Variants in LIN7A observed in about 807,000 individuals in gnomAD.
The protein encoded by LIN7A is lin-7 cell polarity scaffold A, also known as protein lin-7 homolog A.
In LIN7A, 25 loss-of-function variants were observed where a neutral mutation model predicts 29.8. The observed-to-expected ratio is 0.84, with a 90% CI of 0.61 to 1.17. LIN7A has a LOEUF of 1.17. LIN7A is among the 50% of genes most tolerant of loss of function. The probability of loss-of-function intolerance (pLI) is 0.00; values close to 1 mark genes in which losing one functional copy is unlikely to be tolerated. For missense variants in LIN7A, 239 were observed against 287.0 expected, an observed-to-expected ratio of 0.83 and a Z score of 1.21; for synonymous variants, 118 against 107.5, an observed-to-expected ratio of 1.10 and a Z score of -0.60.
At chr12:80,855,347 A>G (rs1873544905) in intron 2 of LIN7A, among the ~76,000 whole-genome samples, 1 of 152,104 alleles carries the variant, frequency 6.6e-6, no homozygotes, top group Admixed American at 6.5e-5. Context: ...AATAAGAAAA[A>G]TTATAAAAAT....
At chr12:80,858,507 CTTTT>C (rs11353715) in intron 2 of LIN7A, among the ~76,000 whole-genome samples, 1 of 139,348 alleles carries the variant, frequency 7.2e-6, no homozygotes, top group Non-Finnish European at 1.6e-5. Context: ...GAAGAAATTT[CTTTT>C]TTTTTTTTTT....
At chr12:80,878,733 T>G (rs865890663) in intron 2 of LIN7A, among the ~76,000 whole-genome samples, 34 of 152,216 alleles carry the variant, frequency 2.2e-4, no homozygotes, top group African/African-American at 7.7e-4. Flanking sequence ...GTGTGCTGAT[T>G]GGTCCATTTT....
intron 1 of LIN7A, among the ~76,000 whole-genome samples, chr12:80,893,831 C>A (rs143932791): frequency 6.6e-6 from 1 of 152,098 alleles, no homozygotes; most frequent in South Asian, 2.1e-4. Context: ...CTTGAGGTAC[C>A]CCTTAAGCCA....
chr12:80,839,275 T>G (rs765424381), intron 4 of LIN7A, among the ~76,000 whole-genome samples: 3 of 152,228 alleles, frequency 2.0e-5, no homozygotes, highest in Non-Finnish European at 4.4e-5. Flanking sequence ...AGTTAGAATC[T>G]CTAGTTCTGC....
intron 2 of LIN7A, among the ~76,000 whole-genome samples, chr12:80,878,605 G>C (rs986982756): frequency 5.9e-5 from 9 of 152,212 alleles, no homozygotes; most frequent in African/African-American, 1.4e-4. Flanking sequence ...AGTACGGAAA[G>C]AGATCTGAGC....
intron 1 of LIN7A, among the ~76,000 whole-genome samples, chr12:80,931,859 AT>A (rs1450127045): frequency 1.3e-5 from 2 of 152,214 alleles, no homozygotes; most frequent in African/African-American, 4.8e-5. Context: ...GACAAGAGAC[AT>A]AAAATATAGT....
intron 4 of LIN7A, among the ~76,000 whole-genome samples, chr12:80,816,501 C>G (rs779871791): frequency 6.6e-6 from 1 of 150,596 alleles, no homozygotes; most frequent in African/African-American, 2.4e-5. Flanking sequence ...ATATATGGAG[C>G]CTTCAAAAAG....
At chr12:80,916,044 A>C (rs1189715737) in intron 1 of LIN7A, among the ~76,000 whole-genome samples, 1 of 152,022 alleles carries the variant, frequency 6.6e-6, no homozygotes, top group East Asian at 1.9e-4. Flanking sequence ...TTTGAGGGGG[A>C]AAAAATCCTG....
chr12:80,894,710 A>T (rs1190356040), intron 1 of LIN7A, among the ~76,000 whole-genome samples: 1 of 152,186 alleles, frequency 6.6e-6, no homozygotes, highest in Non-Finnish European at 1.5e-5. Flanking sequence ...TGATGCAGGA[A>T]GTGGTTCACA....
At chr12:80,857,902 A>G (rs563790439) in intron 2 of LIN7A, among the ~76,000 whole-genome samples, 8 of 152,262 alleles carry the variant, frequency 5.3e-5, no homozygotes, top group Non-Finnish European at 1.2e-4. Context: ...CCAGCACTCT[A>G]CCTCTTAAAT....
chr12:80,843,501 T>G (rs1872918428), intron 4 of LIN7A, among the ~76,000 whole-genome samples: 1 of 152,164 alleles, frequency 6.6e-6, no homozygotes, highest in Admixed American at 6.5e-5. Flanking sequence ...TGCTAACATA[T>G]GCTTATATAT....
chr12:80,801,218 AGT>A (rs1683295351), intron 5 of LIN7A, among the ~76,000 whole-genome samples: 2 of 152,210 alleles, frequency 1.3e-5, no homozygotes, highest in African/African-American at 4.8e-5. Context: ...GCAATGAAAA[AGT>A]GTCACTTTCA....
chr12:80,845,754 G>A lies in LIN7A; in HGVS notation c.459C>T (p.Asp153=), dbSNP rs1256884968. Residue 153 remains aspartate, a synonymous_variant, in exon 4 of 6, where the codon GAC becomes GAT. Coordinates refer to ENST00000552864, the MANE Select transcript of LIN7A (RefSeq NM_004664.4). ...AERHGGLKRG[D]QLLSVNGVSV... is the part of the protein sequence containing the mutation. ...CCACTCCGTTCACTGATAGCAGCTG[G>A]TCTCCTCTTTTGAGGCCTCCGTGTC... The A allele has an allele frequency of 1.2e-6, 2 of 1,613,390 alleles. No individual in the cohort carries two copies. The highest frequency in any genetic ancestry group is 1.7e-6 in the Non-Finnish European group (2 of 1,179,722).
At chr12:80,865,164 A>T (rs1874074656) in intron 2 of LIN7A, among the ~76,000 whole-genome samples, 1 of 152,196 alleles carries the variant, frequency 6.6e-6, no homozygotes, top group Non-Finnish European at 1.5e-5. Flanking sequence ...CTGCCTATCT[A>T]AATGCATATT....
intron 4 of LIN7A, among the ~76,000 whole-genome samples, chr12:80,833,464 C>A (rs1417499450): frequency 6.6e-6 from 1 of 152,202 alleles, no homozygotes. Context: ...CTAAGAGTGT[C>A]CTGGTTGATC....
chr12:80,863,841 A>G (rs758099509), intron 2 of LIN7A, among the ~76,000 whole-genome samples: 3 of 152,140 alleles, frequency 2.0e-5, no homozygotes, highest in Admixed American at 6.5e-5. Flanking sequence ...TTTCTTTTGC[A>G]TATAAGCTGG....
At chr12:80,915,929 T>G (rs1877010061) in intron 1 of LIN7A, among the ~76,000 whole-genome samples, 1 of 152,194 alleles carries the variant, frequency 6.6e-6, no homozygotes, top group Non-Finnish European at 1.5e-5. Context: ...TTGGGTACTA[T>G]GCTCACTGCC....
At chr12:80,844,002 C>A (rs1280245308) in intron 4 of LIN7A, among the ~76,000 whole-genome samples, 2 of 151,590 alleles carry the variant, frequency 1.3e-5, no homozygotes, top group Non-Finnish European at 2.9e-5. Flanking sequence ...TCTTACTTTA[C>A]ACAATTATAA....
At chr12:80,916,910 C>T (rs962325591) in intron 1 of LIN7A, among the ~76,000 whole-genome samples, 1 of 152,148 alleles carries the variant, frequency 6.6e-6, no homozygotes, top group Non-Finnish European at 1.5e-5. Flanking sequence ...TAAAAACCTA[C>T]AATGTACCAG....
Sources: gnomAD v4.1 joint callset for allele counts (sites outside exome capture counted in the v4.1 genomes callset) on GRCh38, gnomAD v4.1.1 for gene constraint, MANE v1.5 for transcripts, NCBI Gene and HGNC (gene_info 2026-07-23, HGNC 2026-07-21) for gene names.